Variants in MANBA observed in about 807,000 individuals in gnomAD.
MANBA encodes the protein beta-mannosidase.
Under a neutral mutation model 111.1 loss-of-function variants are expected in MANBA, and 83 were observed. That is an observed-to-expected ratio of 0.75 (90% CI 0.63 to 0.90). The LOEUF (loss-of-function observed/expected upper bound fraction) is 0.90, where lower values mean the gene tolerates loss of function less well. MANBA is among the 40% of genes least tolerant of loss of function. The pLI is 0.00. For synonymous variants in MANBA, 370 were observed against 378.7 expected (o/e 0.98, Z 0.27); for missense variants, 1,036 against 1,069.0 (o/e 0.97, Z 0.43).
chr4:102,751,736 G>C, intron 1 of MANBA: 3 of 539,164 alleles, frequency 5.6e-6, no homozygotes, highest in South Asian at 2.8e-5. Flanking sequence ...CAAAGGAATG[G>C]ATCTTGACTG....
Position 102,720,253 on chromosome 4 carries a change from G to A in MANBA, c.549+2618C>T, listed in dbSNP as rs574998137. On this transcript the variant is annotated intron_variant, in intron 4 of 16. Coordinates refer to ENST00000647097, the MANE Select transcript of MANBA (RefSeq NM_005908.4). ...AGTTCATGAGCAGCCTGGCCAACATGGTGAAACCCCATCTCTACTAAAACT... is the reference window on the plus strand; with the variant it reads ...AGTTCATGAGCAGCCTGGCCAACATAGTGAAACCCCATCTCTACTAAAACT... Among the ~76,000 whole-genome samples the A allele has an allele frequency of 4.6e-5, 7 of 152,174 alleles. No individual in the cohort carries two copies. The South Asian group carries it at 1.5e-3, about 32-fold the overall frequency.
At chr4:102,643,364 C>T (rs748675697) in intron 13 of MANBA, among the ~76,000 whole-genome samples, 2 of 152,166 alleles carry the variant, frequency 1.3e-5, no homozygotes, top group Non-Finnish European at 2.9e-5. Flanking sequence ...AATCTGTGAA[C>T]AGGTTTTTGC....
intron 4 of MANBA, among the ~76,000 whole-genome samples, chr4:102,718,068 A>G (rs1009993234): frequency 6.6e-6 from 1 of 152,268 alleles, no homozygotes; most frequent in Admixed American, 6.5e-5. Flanking sequence ...AACAGACTGA[A>G]GAGCTATTGA....
At chr4:102,639,589 G>A in intron 14 of MANBA, 124 bp downstream of exon 14, 1 of 1,330,972 alleles carries the variant, frequency 7.5e-7, no homozygotes, top group Non-Finnish European at 1.1e-6. Context: ...GCTTTTTAAA[G>A]AATGACTCTT....
chr4:102,672,995 G>A (rs1335682719), intron 8 of MANBA, among the ~76,000 whole-genome samples: 1 of 151,442 alleles, frequency 6.6e-6, no homozygotes, highest in African/African-American at 2.5e-5. Context: ...TATTTACCAT[G>A]AATCCTATAA....
intron 1 of MANBA, chr4:102,734,215 T>C (rs1232300790): frequency 1.4e-6 from 1 of 693,700 alleles, no homozygotes; most frequent in African/African-American, 1.8e-5. Flanking sequence ...TAGGAGGTTA[T>C]GTGAGAACCC....
chr4:102,675,428 T>G lies in MANBA; in HGVS notation c.961-1358A>C, dbSNP rs1225272946. ...AAGCAGTGCATTTTCAGAGATTAAC[T>G]CAGTTTGTTCTCAGTACTTTTACTG... On this transcript the variant is annotated intron_variant, in intron 7 of 16. Transcript: ENST00000647097. Among the ~76,000 whole-genome samples the G allele has an allele frequency of 2.6e-5, 4 of 152,208 alleles. No homozygotes were observed. The East Asian group carries it at 7.7e-4, about 29-fold the overall frequency.
At chr4:102,688,998 T>C (rs1168986143) in intron 7 of MANBA, among the ~76,000 whole-genome samples, 1 of 152,224 alleles carries the variant, frequency 6.6e-6, no homozygotes, top group Non-Finnish European at 1.5e-5. Flanking sequence ...TAAGGTACAA[T>C]TTTAAATCAT....
intron 1 of MANBA, among the ~76,000 whole-genome samples, chr4:102,732,737 G>A (rs1164570011): frequency 6.6e-6 from 1 of 152,186 alleles, no homozygotes; most frequent in Non-Finnish European, 1.5e-5. Context: ...ACAGGACTCG[G>A]CCTCTCCAAT....
chr4:102,690,285 T>C (rs1339111283), intron 6 of MANBA, among the ~76,000 whole-genome samples: 1 of 152,128 alleles, frequency 6.6e-6, no homozygotes, highest in Non-Finnish European at 1.5e-5. Flanking sequence ...ATATAATCCA[T>C]AGAATGTATT....
intron 1 of MANBA, chr4:102,730,206 C>T (rs984344083): frequency 2.2e-5 from 14 of 634,286 alleles, no homozygotes; most frequent in African/African-American, 1.3e-4. Context: ...AAGGCCGAAC[C>T]AGATAGAGAT....
intron 2 of MANBA, among the ~76,000 whole-genome samples, chr4:102,725,415 G>A (rs1351304105): frequency 6.6e-6 from 1 of 151,950 alleles, no homozygotes; most frequent in African/African-American, 2.4e-5. Flanking sequence ...TTAGGTAATC[G>A]ACTCATATGT....
Position 102,645,637 on chromosome 4 carries a change from T to A in MANBA, c.1869+4900A>T, listed in dbSNP as rs114021393. On this transcript the variant is annotated intron_variant, in intron 13 of 16. Coordinates refer to ENST00000647097, the MANE Select transcript of MANBA (RefSeq NM_005908.4). ...TTGTTTCTCTAGGAATTCATCCATTTCATCTAAATTAACTGACTTGTTGCC... is the reference window on the plus strand; with the variant it reads ...TTGTTTCTCTAGGAATTCATCCATTACATCTAAATTAACTGACTTGTTGCC... Among the ~76,000 whole-genome samples the A allele has an allele frequency of 9.0e-3, 1,365 of 152,242 alleles. 24 individuals are homozygous for A. The highest frequency in any genetic ancestry group is 0.031 in the African/African-American group (1,302 of 41,560).
Position 102,664,778 on chromosome 4 carries a change from C to A in MANBA, c.1392G>T (p.Met464Ile), listed in dbSNP as rs1731144631. The change falls in exon 11 of 17, where the codon ATG becomes ATT. Residue 464 changes from methionine to isoleucine, a missense_variant. Physicochemically the swap from Met to Ile is conservative, Grantham distance 10 (BLOSUM62 1). Transcript: ENST00000647097. ...CAGTGAAACTGATATGATACCAATTCATCATCAGCGCCTCCTCATTTTCAT... is the reference window on the plus strand; with the variant it reads ...CAGTGAAACTGATATGATACCAATTAATCATCAGCGCCTCCTCATTTTCAT... ...GNNENEEALM[M>I]NWYHISFTDR... is the part of the protein sequence containing the mutation. The A allele has an allele frequency of 6.2e-7, 1 of 1,609,878 alleles. No homozygotes were observed. The highest frequency in any genetic ancestry group is 8.5e-7 in the Non-Finnish European group (1 of 1,176,206).
intron 5 of MANBA, among the ~76,000 whole-genome samples, chr4:102,701,647 G>A (rs1332623333): frequency 6.6e-6 from 1 of 151,594 alleles, no homozygotes; most frequent in Non-Finnish European, 1.5e-5. Flanking sequence ...ATGAAATTCT[G>A]GGTTGAAAAT....
chr4:102,717,383 T>C lies in MANBA; in HGVS notation c.550-2822A>G, dbSNP rs570149767. On this transcript the variant is annotated intron_variant, in intron 4 of 16. Transcript: ENST00000647097. ...TTCCTGAAAAAAAAAAAAAAGACCC[T>C]GAAGGGTGAGTACCGTTTATCCACT... is the stretch of plus-strand genomic sequence containing the variant. Among the ~76,000 whole-genome samples, 876 of 148,282 alleles carry C rather than the reference T, an allele frequency of 5.9e-3. 7 individuals are homozygous for C. Among genetic ancestry groups the C allele is most frequent in the Middle Eastern group, 0.011 (3 of 280 alleles).
chr4:102,719,715 A>T (rs1302912664), intron 4 of MANBA, among the ~76,000 whole-genome samples: 2 of 152,258 alleles, frequency 1.3e-5, no homozygotes, highest in East Asian at 3.8e-4. Flanking sequence ...CTATATCTTC[A>T]TATCAGGGAT....
chr4:102,756,329 A>G (rs1257692973), intron 1 of MANBA, among the ~76,000 whole-genome samples: 2 of 152,114 alleles, frequency 1.3e-5, no homozygotes, highest in African/African-American at 4.8e-5. Flanking sequence ...TTGTAGGGAC[A>G]TGGATGAAGC....
At chr4:102,663,645 T>C (rs1005737502) in intron 11 of MANBA, among the ~76,000 whole-genome samples, 4 of 152,210 alleles carry the variant, frequency 2.6e-5, no homozygotes, top group Admixed American at 2.6e-4. Context: ...ACTGGGCATG[T>C]TTAGGTGCTA....
Sources: gnomAD v4.1 joint callset for allele counts (sites outside exome capture counted in the v4.1 genomes callset) on GRCh38, gnomAD v4.1.1 for gene constraint, MANE v1.5 for transcripts, NCBI Gene and HGNC (gene_info 2026-07-23, HGNC 2026-07-21) for gene names.